The following TNFSF4 variants were observed in gnomAD, a reference collection of about 807,000 sequenced individuals.
The protein encoded by TNFSF4 is tumor necrosis factor ligand superfamily member 4.
TNFSF4 carries 4 observed loss-of-function variants against 7.3 expected under a neutral mutation model. The observed-to-expected ratio is 0.55, with a 90% CI of 0.27 to 1.25. TNFSF4 has a LOEUF of 1.25. TNFSF4 is among the 50% of genes most tolerant of loss of function. The probability of loss-of-function intolerance (pLI) is 0.12; values close to 1 mark genes in which losing one functional copy is unlikely to be tolerated. For synonymous variants in TNFSF4, 76 were observed against 83.7 expected, an observed-to-expected ratio of 0.91 and a Z score of 0.50; for missense variants, 181 against 208.8, an observed-to-expected ratio of 0.87 and a Z score of 0.82.
At chr1:173,437,994 T>C in the TNFSF4 span, among the ~76,000 whole-genome samples, 518 of 152,294 alleles carry the variant, frequency 3.4e-3, 1 homozygote, top group Non-Finnish European at 6.1e-3. Context: ...GAATTTTTTA[T>C]TGGAATTGCA....
chr1:173,331,430 T>G, the TNFSF4 span, among the ~76,000 whole-genome samples: 2 of 151,856 alleles, frequency 1.3e-5, no homozygotes, highest in African/African-American at 4.8e-5. Context: ...AATTAGGACA[T>G]GAAAGATTTG....
the TNFSF4 span, among the ~76,000 whole-genome samples, chr1:173,238,811 A>G: frequency 3.9e-5 from 6 of 152,220 alleles, no homozygotes; most frequent in Non-Finnish European, 7.3e-5. Context: ...GTGGGAGTGT[A>G]GATTAGTTCA....
At chr1:173,177,234 T>C in the TNFSF4 span, among the ~76,000 whole-genome samples, 1 of 152,140 alleles carries the variant, frequency 6.6e-6, no homozygotes. Context: ...AAATGTGGTA[T>C]ATATACACAA....
the TNFSF4 span, among the ~76,000 whole-genome samples, chr1:173,434,630 T>A: frequency 4.6e-5 from 7 of 152,272 alleles, no homozygotes; most frequent in Admixed American, 4.6e-4. Flanking sequence ...GGTTTGAGGG[T>A]CATGAAATGG....
the TNFSF4 span, among the ~76,000 whole-genome samples, chr1:173,398,294 G>A: frequency 6.6e-6 from 1 of 151,682 alleles, no homozygotes; most frequent in African/African-American, 2.4e-5. Context: ...TGAGGACCTA[G>A]TGAGCAAAAA....
intron 1 of TNFSF4, 83 bp downstream of exon 1, chr1:173,206,941 T>C (rs1415251706): frequency 6.8e-7 from 1 of 1,465,584 alleles, no homozygotes; most frequent in Non-Finnish European, 9.2e-7. Flanking sequence ...GGCATAAGAT[T>C]ATTTCCAAGC....
the TNFSF4 span, among the ~76,000 whole-genome samples, chr1:173,326,884 A>T: frequency 1.3e-5 from 2 of 152,218 alleles, no homozygotes; most frequent in African/African-American, 4.8e-5. Context: ...AAACAAATGG[A>T]AGAACATTCC....
chr1:173,209,270 G>T (rs1196195216), upstream of TNFSF4, among the ~76,000 whole-genome samples: 1 of 152,118 alleles, frequency 6.6e-6, no homozygotes, highest in African/African-American at 2.4e-5. Context: ...CACCAGGCTG[G>T]AAGTTTCAGG....
chr1:173,329,294 A>G, the TNFSF4 span, among the ~76,000 whole-genome samples: 14 of 152,184 alleles, frequency 9.2e-5, no homozygotes, highest in African/African-American at 3.4e-4. Flanking sequence ...TATACTTTAA[A>G]TCATGTCTAG....
chr1:173,177,893 T>C, the TNFSF4 span, among the ~76,000 whole-genome samples: 1 of 152,214 alleles, frequency 6.6e-6, no homozygotes, highest in Non-Finnish European at 1.5e-5. Flanking sequence ...CTAGTGACAT[T>C]AAAGAAGTTC....
the TNFSF4 span, among the ~76,000 whole-genome samples, chr1:173,279,453 T>C: frequency 6.6e-6 from 1 of 152,056 alleles, no homozygotes; most frequent in Non-Finnish European, 1.5e-5. Context: ...AAAACCCCAA[T>C]TTAAATATGC....
At chr1:173,363,235 T>C in the TNFSF4 span, 1 of 292,422 alleles carries the variant, frequency 3.4e-6, no homozygotes, top group Non-Finnish European at 6.9e-6. Flanking sequence ...CCATTCTCTT[T>C]CTAGGGAAAC....
the TNFSF4 span, among the ~76,000 whole-genome samples, chr1:173,398,119 T>G: frequency 6.6e-6 from 1 of 152,204 alleles, no homozygotes; most frequent in African/African-American, 2.4e-5. Flanking sequence ...AGGTCATCAG[T>G]ACAACTTCAC....
At chr1:173,287,389 C>T in the TNFSF4 span, among the ~76,000 whole-genome samples, 10 of 152,160 alleles carry the variant, frequency 6.6e-5, no homozygotes, top group South Asian at 1.7e-3. Context: ...TACACACCCA[C>T]CAGAATTACC....
chr1:173,382,909 C>CACACAA, the TNFSF4 span, among the ~76,000 whole-genome samples: 177 of 67,264 alleles, frequency 2.6e-3, 2 homozygotes, highest in Middle Eastern at 0.031. Flanking sequence ...CACACACACA[C>CACACAA]AAAGGTGCGT....
chr1:173,274,749 C>T, the TNFSF4 span, among the ~76,000 whole-genome samples: 1 of 152,070 alleles, frequency 6.6e-6, no homozygotes, highest in Non-Finnish European at 1.5e-5. Context: ...CTCTTGAAAG[C>T]ATTGTATGAG....
At chr1:173,375,204 G>C in the TNFSF4 span, among the ~76,000 whole-genome samples, 218 of 152,284 alleles carry the variant, frequency 1.4e-3, 2 homozygotes, top group African/African-American at 4.9e-3. Flanking sequence ...TCAAGCTACA[G>C]ATGGTCTTAT....
chr1:173,223,024 G>T, the TNFSF4 span, among the ~76,000 whole-genome samples: 1 of 152,358 alleles, frequency 6.6e-6, no homozygotes, highest in East Asian at 1.9e-4. Context: ...TAATGTAATG[G>T]TTAAGAGCAA....
chr1:173,446,811 C>T, the TNFSF4 span, among the ~76,000 whole-genome samples: 1 of 152,318 alleles, frequency 6.6e-6, no homozygotes, highest in African/African-American at 2.4e-5. Flanking sequence ...GCTCTCAGAC[C>T]TTCAGCTGCA....
Sources: gnomAD v4.1 joint callset for allele counts (sites outside exome capture counted in the v4.1 genomes callset) on GRCh38, gnomAD v4.1.1 for gene constraint, MANE v1.5 for transcripts, NCBI Gene and HGNC (gene_info 2026-07-23, HGNC 2026-07-21) for gene names.